TRIM2: variants seen among roughly 807,000 people sequenced by gnomAD.
TRIM2 encodes the protein tripartite motif containing 2.
Under a neutral mutation model 75.2 loss-of-function variants are expected in TRIM2, and 20 were observed. The observed-to-expected ratio is 0.27, with a 90% CI of 0.19 to 0.39. TRIM2 has a LOEUF of 0.39. TRIM2 is among the 10% of genes least tolerant of loss of function. TRIM2 has a pLI of 1.00. For synonymous variants in TRIM2, 373 were observed against 388.3 expected (o/e 0.96, Z 0.46); for missense variants, 660 against 990.8 (o/e 0.67, Z 4.48).
At chr4:153,221,898 G>GGAGCGAGA (rs1268904492) in intron 1 of TRIM2, among the ~76,000 whole-genome samples, 1 of 104,656 alleles carries the variant, frequency 9.6e-6, no homozygotes, top group African/African-American at 3.3e-5. Flanking sequence ...AAGGAAGGAG[G>GGAGCGAGA]GAGGAAGGAA....
chr4:153,258,160 C>T (rs988202463), intron 1 of TRIM2, among the ~76,000 whole-genome samples: 53 of 152,212 alleles, frequency 3.5e-4, no homozygotes, highest in Admixed American at 2.0e-3. Flanking sequence ...CGACCCTCCC[C>T]CCACTCTGTC....
chr4:153,158,681 C>T (rs910354686), intron 1 of TRIM2, among the ~76,000 whole-genome samples: 4 of 152,054 alleles, frequency 2.6e-5, no homozygotes, highest in African/African-American at 9.7e-5. Flanking sequence ...TAATCAAATG[C>T]TGGGACAAGT....
In TRIM2 at chr4:153,224,306, G is replaced by A. The variant is rs542817104; in HGVS notation, c.30+19746G>A. ...ATAACAATGAAGGATCAATTAAAAT[G>A]AACTCCACCTCCCTTCTCCCTTAGG... On this transcript the variant is annotated intron_variant, in intron 1 of 11. Coordinates refer to ENST00000338700, the MANE Select transcript of TRIM2 (RefSeq NM_015271.5). Among the ~76,000 whole-genome samples, 5 of 152,252 alleles carry A rather than the reference G, an allele frequency of 3.3e-5. No homozygotes were observed. The East Asian group carries it at 9.6e-4, about 29-fold the overall frequency.
chr4:153,233,421 T>C (rs892900172), intron 1 of TRIM2, among the ~76,000 whole-genome samples: 1 of 151,914 alleles, frequency 6.6e-6, no homozygotes, highest in Non-Finnish European at 1.5e-5. Context: ...ATTACTTTAC[T>C]TACAGTCAAA....
At chr4:153,301,077 G>A (rs931679085) in intron 6 of TRIM2, among the ~76,000 whole-genome samples, 2 of 151,792 alleles carry the variant, frequency 1.3e-5, no homozygotes, top group Non-Finnish European at 2.9e-5. Context: ...TGTAGTCCCA[G>A]CTACTCGGGA....
chr4:153,265,021 A>G (rs1754573835), intron 1 of TRIM2, among the ~76,000 whole-genome samples: 1 of 152,190 alleles, frequency 6.6e-6, no homozygotes, highest in Admixed American at 6.5e-5. Context: ...CACTACAATA[A>G]TTATCATAAA....
chr4:153,213,632 A>G (rs1737683652), intron 1 of TRIM2, among the ~76,000 whole-genome samples: 1 of 152,110 alleles, frequency 6.6e-6, no homozygotes, highest in African/African-American at 2.4e-5. Flanking sequence ...AGTTCAAGCA[A>G]TTCTCCTGCC....
chr4:153,178,205 C>T (rs977650264), intron 1 of TRIM2, among the ~76,000 whole-genome samples: 1 of 152,102 alleles, frequency 6.6e-6, no homozygotes, highest in African/African-American at 2.4e-5. Context: ...AGAGGTCAGG[C>T]TGGCCCTGTC....
At chr4:153,197,997 A>C (rs1368091609) in intron 1 of TRIM2, among the ~76,000 whole-genome samples, 1 of 152,258 alleles carries the variant, frequency 6.6e-6, no homozygotes, top group East Asian at 1.9e-4. Context: ...GGAATCTGCC[A>C]GCACTTTAAT....
intron 1 of TRIM2, among the ~76,000 whole-genome samples, chr4:153,212,614 C>G (rs926151035): frequency 6.6e-6 from 1 of 152,070 alleles, no homozygotes; most frequent in East Asian, 1.9e-4. Context: ...TGTGATTGCA[C>G]CACTGCAGTC....
chr4:153,254,125 C>A (rs780774362), intron 1 of TRIM2, among the ~76,000 whole-genome samples: 68 of 152,130 alleles, frequency 4.5e-4, no homozygotes, highest in Middle Eastern at 3.4e-3. Context: ...AAGCAGATGC[C>A]GGATTGTAAA....
At chr4:153,326,719 G>A (rs1363946768) in intron 10 of TRIM2, among the ~76,000 whole-genome samples, 8 of 152,202 alleles carry the variant, frequency 5.3e-5, no homozygotes, top group Non-Finnish European at 1.2e-4. Context: ...AGTGGCTCAC[G>A]CCTGTAATCC....
At chr4:153,238,454 G>A (rs1745588706) in intron 1 of TRIM2, among the ~76,000 whole-genome samples, 1 of 152,214 alleles carries the variant, frequency 6.6e-6, no homozygotes, top group South Asian at 2.1e-4. Flanking sequence ...GAATATATTG[G>A]CAATGACCAA....
intron 1 of TRIM2, among the ~76,000 whole-genome samples, chr4:153,238,048 C>T (rs1340894003): frequency 1.3e-5 from 2 of 152,132 alleles, no homozygotes; most frequent in African/African-American, 4.8e-5. Context: ...TTTCTTTCAT[C>T]TTTGAACCTG....
intron 11 of TRIM2, among the ~76,000 whole-genome samples, chr4:153,333,382 G>A (rs77945361): frequency 0.095 from 14,430 of 151,866 alleles, 907 homozygotes; most frequent in Non-Finnish European, 0.14. Flanking sequence ...AATTCTGTAC[G>A]TTGGTTGCAG....
chr4:153,210,119 C>T lies in TRIM2; in HGVS notation c.30+5559C>T, dbSNP rs1390823558. 2.2e-5 allele frequency among the ~76,000 whole-genome samples: 3 copies of T among 138,486 alleles called. No individual in the cohort carries two copies. The East Asian group carries it at 6.2e-4, about 29-fold the overall frequency. 90.9% of individuals were successfully genotyped at this position (138,486 alleles called of 152,430 possible). A position where few individuals can be genotyped will look rare whatever the true frequency, so the allele number is the denominator to read the frequency against. On this transcript the variant is annotated intron_variant, in intron 1 of 11. Transcript: ENST00000338700. ...TCACTCTGTTGCCCAGGCTGGAGAG[C>T]AGTGGCGAGATCTCGGCTCACTGCA...
intron 10 of TRIM2, among the ~76,000 whole-genome samples, chr4:153,327,910 T>C (rs369090502): frequency 7.5e-4 from 114 of 152,346 alleles, no homozygotes; most frequent in African/African-American, 2.6e-3. Flanking sequence ...ATATAAACTC[T>C]CGAACTAAAA....
chr4:153,176,985 A>T (rs1731503308), intron 1 of TRIM2, among the ~76,000 whole-genome samples: 1 of 152,238 alleles, frequency 6.6e-6, no homozygotes, highest in Non-Finnish European at 1.5e-5. Flanking sequence ...CTTAATCAAG[A>T]GTGAGGTTTA....
intron 1 of TRIM2, among the ~76,000 whole-genome samples, chr4:153,262,624 C>T (rs72965081): frequency 0.025 from 3,859 of 152,186 alleles, 97 homozygotes; most frequent in African/African-American, 0.068. Flanking sequence ...ATCTTGCGAC[C>T]TGTGGCTACA....
Sources: allele counts gnomAD v4.1 joint callset (sites outside exome capture counted in the v4.1 genomes callset), GRCh38; gene constraint gnomAD v4.1.1; transcripts MANE v1.5; gene names NCBI Gene and HGNC (gene_info 2026-07-23, HGNC 2026-07-21).